CLCN6: variants seen among roughly 807,000 people sequenced by gnomAD.
CLCN6 encodes Cl-/H+ antiporter 6.
In CLCN6, 70 loss-of-function variants were observed where a neutral mutation model predicts 109.8. That is an observed-to-expected ratio of 0.64 (90% confidence interval 0.53 to 0.78). CLCN6 has a LOEUF of 0.78. Ranked by LOEUF, CLCN6 falls within the 30% of genes least tolerant of loss-of-function variation. The pLI is 0.00. For synonymous variants in CLCN6, 444 were observed against 447.8 expected, an observed-to-expected ratio of 0.99 and a Z score of 0.11; for missense variants, 984 against 1,142.3, an observed-to-expected ratio of 0.86 and a Z score of 2.00.
chr1:11,835,610 G>C (rs74053327), intron 17 of CLCN6, among the ~76,000 whole-genome samples: 9,811 of 152,202 alleles, frequency 0.064, 382 homozygotes, highest in African/African-American at 0.11. Flanking sequence ...TGCTGTAGCA[G>C]AATTAGCAGT....
chr1:11,815,513 A>G (rs1234550402), intron 2 of CLCN6, among the ~76,000 whole-genome samples: 7 of 152,158 alleles, frequency 4.6e-5, no homozygotes, highest in Non-Finnish European at 1.5e-5. Flanking sequence ...CTCCTGCCTC[A>G]GCCTCCAAAG....
At chr1:11,819,150 G>T (rs1483332122) in intron 4 of CLCN6, among the ~76,000 whole-genome samples, 5 of 152,214 alleles carry the variant, frequency 3.3e-5, no homozygotes. Context: ...TCTTCTTCCA[G>T]TGTGGTCCAG....
chr1:11,813,855 A>G (rs1410715945), intron 2 of CLCN6, among the ~76,000 whole-genome samples: 1 of 152,226 alleles, frequency 6.6e-6, no homozygotes, highest in Non-Finnish European at 1.5e-5. Context: ...GGGATATTAT[A>G]CTTTTAATTC....
chr1:11,830,731 T>G (rs1644868233), intron 13 of CLCN6, among the ~76,000 whole-genome samples: 1 of 102,506 alleles, frequency 9.8e-6, no homozygotes, highest in African/African-American at 4.6e-5. Flanking sequence ...CAGTTATATG[T>G]ATATATTATA....
chr1:11,833,747 C>A lies in CLCN6; in HGVS notation c.1372+109C>A, dbSNP rs1314568184. ...CCAGGACTTCTTTGTAACGCCCACCCAGACAAAAGATTGGTTTCTGCCTCC... is the reference window on the plus strand; with the variant it reads ...CCAGGACTTCTTTGTAACGCCCACCAAGACAAAAGATTGGTTTCTGCCTCC... On this transcript the variant is annotated intron_variant, in intron 14 of 22. Coordinates refer to ENST00000346436, the MANE Select transcript of CLCN6 (RefSeq NM_001286.5). The A allele has an allele frequency of 3.2e-6, 5 of 1,565,302 alleles. No individual in the cohort carries two copies. The East Asian group carries it at 1.1e-4, about 35-fold the overall frequency.
rs1491342196 is a variant in CLCN6 at position 11,812,663 on chromosome 1, T to TG, written c.148-3183_148-3182insG. Among the ~76,000 whole-genome samples, 242 of 118,170 alleles carry TG rather than the reference T, an allele frequency of 2.0e-3. 1 individual carries two copies. The highest frequency in any genetic ancestry group is 7.1e-3 in the African/African-American group (236 of 33,250). 77.5% of individuals were successfully genotyped at this position (118,170 alleles called of 152,430 possible). ...CAAAAAAAAAAAAAGACAAAGTATG[T>TG]TTGTGTGTGTGTGTGTGTGTGTGTG... On this transcript the variant is annotated intron_variant, in intron 2 of 22. Coordinates refer to ENST00000346436, the MANE Select transcript of CLCN6 (RefSeq NM_001286.5).
rs1033605976 is a variant in CLCN6 at position 11,842,238 on chromosome 1, T to C, written c.*2015T>C. On this transcript the variant is annotated 3_prime_UTR_variant, in exon 23 of 23. Transcript: ENST00000346436. ...CCTGAGGCTGCCCCGGTGAATGTTATTGGAATTCATCCCTCGTGCACATCC... is the reference window on the plus strand; with the variant it reads ...CCTGAGGCTGCCCCGGTGAATGTTACTGGAATTCATCCCTCGTGCACATCC... 2.0e-5 allele frequency: 3 copies of C among 152,466 alleles called. No individual in the cohort carries two copies. The highest frequency in any genetic ancestry group is 6.5e-5 in the Admixed American group (1 of 15,288). The allele number at this position is 152,466 out of a possible 1,614,324, so 9.4% of individuals were successfully genotyped here. A position where few individuals can be genotyped will look rare whatever the true frequency, so the allele number is the denominator to read the frequency against.
At chr1:11,812,748 G>A (rs2100608843) in intron 2 of CLCN6, among the ~76,000 whole-genome samples, 1 of 148,922 alleles carries the variant, frequency 6.7e-6, no homozygotes, top group South Asian at 2.1e-4. Context: ...TGGAAATATG[G>A]TGCTTTGATA....
chr1:11,840,277 C>T lies in CLCN6; in HGVS notation c.*54C>T. The T allele has an allele frequency of 1.4e-6, 2 of 1,464,218 alleles. No homozygotes were observed. The highest frequency in any genetic ancestry group is 1.1e-5 in the South Asian group (1 of 88,326). The allele number at this position is 1,464,218 out of a possible 1,614,324, so 90.7% of individuals were successfully genotyped here. A position where few individuals can be genotyped will look rare whatever the true frequency, so the allele number is the denominator to read the frequency against. ...CCTGGGGAGGCAAATCATGCTCACT[C>T]CGGCGGGCACAGCTGGCTGGGGCTG... is the stretch of plus-strand genomic sequence containing the variant. On this transcript the variant is annotated 3_prime_UTR_variant, in exon 23 of 23. Coordinates refer to ENST00000346436, the MANE Select transcript of CLCN6 (RefSeq NM_001286.5).
rs1441780895 is a variant in CLCN6 at position 11,840,160 on chromosome 1, A to G, written c.2547A>G (p.Thr849=). 1 of 1,613,886 alleles carries G rather than the reference A, an allele frequency of 6.2e-7. No homozygotes were observed. Among genetic ancestry groups the G allele is most frequent in the Admixed American group, 1.7e-5 (1 of 60,020 alleles). The change falls in exon 23 of 23, where the codon ACA becomes ACG. Residue 849 remains threonine (T), a synonymous_variant. Transcript: ENST00000346436. Reference sequence around the variant, plus strand: ...TGCCCTAGATCGTGGGGATCATCACACGGCACAACCTCACCTATGAATTTC... The same window carrying G: ...TGCCCTAGATCGTGGGGATCATCACGCGGCACAACCTCACCTATGAATTTC... ...NAVGEIVGII[T]RHNLTYEFLQ... is the part of the protein sequence containing the mutation.
chr1:11,806,340 C>G lies in CLCN6; in HGVS notation c.78C>G (p.Pro26=), dbSNP rs945145964. The G allele has an allele frequency of 3.7e-5, 56 of 1,514,944 alleles. No homozygotes were observed. Among genetic ancestry groups the G allele is most frequent in the South Asian group, 1.2e-4 (9 of 75,984 alleles). The allele number at this position is 1,514,944 out of a possible 1,614,324, so 93.8% of individuals were successfully genotyped here. Reference sequence around the variant, plus strand: ...GCGGTGAGCGTGAGACCCGCACCCCCGAGGAGCTGGTAAGAAGCCGGCGGA... The same window carrying G: ...GCGGTGAGCGTGAGACCCGCACCCCGGAGGAGCTGGTAAGAAGCCGGCGGA... ...CCCGERETRT[P]EELTILGETQ... Residue 26 remains proline, a synonymous_variant, in exon 1 of 23, where the codon CCC becomes CCG. Coordinates refer to ENST00000346436, the MANE Select transcript of CLCN6 (RefSeq NM_001286.5).
intron 1 of CLCN6, 111 bp from the exon 2 acceptor site, chr1:11,807,020 G>T: frequency 1.0e-6 from 1 of 965,456 alleles, no homozygotes; most frequent in South Asian, 1.4e-5. Flanking sequence ...GTTCCTATTT[G>T]ATAATGGCTC....
chr1:11,838,731 A>G, intron 22 of CLCN6, 71 bp downstream of exon 22: 4 of 1,606,744 alleles, frequency 2.5e-6, no homozygotes, highest in South Asian at 1.1e-5. Flanking sequence ...TTGTGCACCC[A>G]GGCTTCTCAC....
At chr1:11,817,841 T>C (rs1229403106) in intron 4 of CLCN6, among the ~76,000 whole-genome samples, 6 of 152,248 alleles carry the variant, frequency 3.9e-5, no homozygotes, top group Non-Finnish European at 8.8e-5. Context: ...ATTTTTACTA[T>C]AGTAAATCCA....
intron 8 of CLCN6, among the ~76,000 whole-genome samples, chr1:11,825,811 CAG>C (rs747242636): frequency 6.6e-6 from 1 of 152,140 alleles, no homozygotes; most frequent in African/African-American, 2.4e-5. Flanking sequence ...TTAGTAGAGA[CAG>C]GGTTTTGCCA....
intron 2 of CLCN6, among the ~76,000 whole-genome samples, chr1:11,812,995 T>C (rs72640252): frequency 0.099 from 15,052 of 152,220 alleles, 800 homozygotes; most frequent in South Asian, 0.16. Flanking sequence ...GTTTGTTCAC[T>C]GTCCCATACA....
chr1:11,816,649 T>C lies in CLCN6; in HGVS notation c.248T>C (p.Val83Ala). 4 of 1,612,160 alleles carry C rather than the reference T, an allele frequency of 2.5e-6. No homozygotes were observed. Among genetic ancestry groups the C allele is most frequent in the Non-Finnish European group, 3.4e-6 (4 of 1,179,284 alleles). Residue 83 changes from valine (V) to alanine (A), a missense_variant, in exon 4 of 23, where the codon GTG (valine) becomes GCG (alanine). Transcript: ENST00000346436. ...AGATATGAGGCGGTGAAGTGGATGG[T>C]GGTGTTTGCCATTGGAGTCTGCACT... is the stretch of plus-strand genomic sequence containing the variant. ...GRRYEAVKWM[V>A]VFAIGVCTGL...
chr1:11,822,654 C>A (rs904718188), intron 5 of CLCN6, 41 bp from the exon 6 acceptor site: 5 of 1,228,346 alleles, frequency 4.1e-6, no homozygotes, highest in Non-Finnish European at 6.0e-6. Flanking sequence ...CGGGGACACC[C>A]CTCGGCTGAT....
intron 5 of CLCN6, among the ~76,000 whole-genome samples, chr1:11,821,138 A>G (rs1049464375): frequency 2.0e-5 from 3 of 152,186 alleles, no homozygotes; most frequent in African/African-American, 4.8e-5. Flanking sequence ...CAAAGTACAT[A>G]TTGTATTTAT....
Sources: allele counts gnomAD v4.1 joint callset (sites outside exome capture counted in the v4.1 genomes callset), GRCh38; gene constraint gnomAD v4.1.1; transcripts MANE v1.5; gene names NCBI Gene and HGNC (gene_info 2026-07-23, HGNC 2026-07-21).